AXL: variants seen among roughly 807,000 people sequenced by gnomAD.
AXL encodes the protein AXL receptor tyrosine kinase, also known as tyrosine-protein kinase receptor UFO.
A neutral mutation model predicts 104.5 loss-of-function variants in AXL; 52 were observed. The ratio of observed to expected loss-of-function variants is 0.50; its 90% CI spans 0.40 to 0.63. AXL has a LOEUF of 0.63. Among genes scored for constraint, AXL ranks in the 20% least tolerant of loss-of-function variants. The pLI is 0.00. For synonymous variants in AXL, 455 were observed against 473.7 expected (o/e 0.96, Z 0.51); for missense variants, 1,024 against 1,188.5 (o/e 0.86, Z 2.04).
In AXL at chr19:41,231,076, G is replaced by C. The variant is rs773248925; in HGVS notation, c.667+29G>C. The C allele has an allele frequency of 8.1e-6, 13 of 1,613,438 alleles. No homozygotes were observed. The South Asian group carries it at 1.4e-4, about 18-fold the overall frequency. On this transcript the variant is annotated intron_variant, in intron 5 of 19. Transcript: ENST00000301178. ...ACAGAGTTGGGAGGTGGGGAGCTGG[G>C]CGTCAGAGGGTGGGGTTTGGGTCCG...
rs75837457 is a variant in AXL at position 41,238,196 on chromosome 19, G to T, written c.994+42G>T. ...AGGGACACGTCACCACTGCCCCACC[G>T]GACCTTGCTTATATCAGTGCCACCC... On this transcript the variant is annotated intron_variant, in intron 7 of 19. Coordinates refer to ENST00000301178, the MANE Select transcript of AXL (RefSeq NM_021913.5). 7,564 of 1,600,634 alleles carry T rather than the reference G, an allele frequency of 4.7e-3. 329 individuals carry two copies. In the African/African-American group the frequency reaches 0.087, roughly 18 times the overall value.
intron 12 of AXL, among the ~76,000 whole-genome samples, chr19:41,246,205 T>C (rs2034267955): frequency 6.6e-6 from 1 of 152,120 alleles, no homozygotes; most frequent in Non-Finnish European, 1.5e-5. Context: ...CCCACCACTT[T>C]GGGAGGCCAA....
At position 41,260,298 on chromosome 19, in the gene AXL, C is replaced by CTTTTTTTTTTTTTTTTTTTT. The variant is rs869213717; in HGVS notation, c.*406_*425dup. Reference sequence around the variant, plus strand: ...TAAAGTGCTAAGGTTCTAAGGCCTACTTTTTTTTTTTTTTTTTTTTTTTTT... The same window carrying CTTTTTTTTTTTTTTTTTTTT: ...TAAAGTGCTAAGGTTCTAAGGCCTACTTTTTTTTTTTTTTTTTTTTTTTTTTTTTTTTTTTTTTTTTTTTT... On this transcript the variant is annotated 3_prime_UTR_variant, in exon 20 of 20. Transcript: ENST00000301178. The CTTTTTTTTTTTTTTTTTTTT allele has an allele frequency of 5.1e-4, 25 of 48,578 alleles. 7 individuals are homozygous for CTTTTTTTTTTTTTTTTTTTT. Among genetic ancestry groups the CTTTTTTTTTTTTTTTTTTTT allele is most frequent in the African/African-American group, 1.4e-3 (17 of 11,744 alleles). 3.0% of individuals were successfully genotyped at this position (48,578 alleles called of 1,614,324 possible). A position where few individuals can be genotyped will look rare whatever the true frequency, so the allele number is the denominator to read the frequency against.
At chr19:41,237,916 C>T in intron 6 of AXL, 28 bp from the exon 7 acceptor site, 3 of 1,601,948 alleles carry the variant, frequency 1.9e-6, no homozygotes, top group Non-Finnish European at 2.6e-6. Context: ...CTTGGCTGTC[C>T]CGTCCTCACA....
At chr19:41,231,673 T>C (rs2033991028) in intron 6 of AXL, among the ~76,000 whole-genome samples, 1 of 152,152 alleles carries the variant, frequency 6.6e-6, no homozygotes, top group Non-Finnish European at 1.5e-5. Flanking sequence ...ACACCTGTAA[T>C]CCCAGCACTT....
At chr19:41,244,874 A>G (rs2034245114) in intron 12 of AXL, among the ~76,000 whole-genome samples, 1 of 151,716 alleles carries the variant, frequency 6.6e-6, no homozygotes, top group South Asian at 2.1e-4. Context: ...AAGGCCACAC[A>G]GCTTGTAAAT....
intron 4 of AXL, among the ~76,000 whole-genome samples, chr19:41,227,512 G>T (rs1160687620): frequency 2.1e-5 from 3 of 145,560 alleles, no homozygotes; most frequent in Admixed American, 6.9e-5. Flanking sequence ...TTTAGACAGA[G>T]TCTCTCTCTG....
In AXL at chr19:41,257,638, C is replaced by G; in HGVS notation, c.2333+9C>G. On this transcript the variant is annotated intron_variant, in intron 19 of 19. Coordinates refer to ENST00000301178, the MANE Select transcript of AXL (RefSeq NM_021913.5). ...GACTGTCTGGATGGACTGTGAGGACCCTTAGGTCTCCCCCAACCCAGAATT... is the reference window on the plus strand; with the variant it reads ...GACTGTCTGGATGGACTGTGAGGACGCTTAGGTCTCCCCCAACCCAGAATT... The G allele has an allele frequency of 1.2e-6, 2 of 1,614,044 alleles. No homozygotes were observed.
chr19:41,236,797 AAAAAG>A (rs2034088314), intron 6 of AXL, among the ~76,000 whole-genome samples: 1 of 151,992 alleles, frequency 6.6e-6, no homozygotes, highest in Admixed American at 6.6e-5. Context: ...AAAAAAAAAA[AAAAAG>A]AAAAAGAAAT....
At chr19:41,226,057 GA>G (rs2122208357) in intron 4 of AXL, among the ~76,000 whole-genome samples, 1 of 152,370 alleles carries the variant, frequency 6.6e-6, no homozygotes, top group African/African-American at 2.4e-5. Flanking sequence ...GAACCTTCTG[GA>G]GGGGAAGGGG....
intron 3 of AXL, 30 bp downstream of exon 3, chr19:41,221,276 G>A (rs2033786525): frequency 6.3e-7 from 1 of 1,595,840 alleles, no homozygotes; most frequent in Non-Finnish European, 8.6e-7. Flanking sequence ...GTCCTGAGGG[G>A]TCAGAGGACA....
intron 15 of AXL, 28 bp from the exon 16 acceptor site, chr19:41,252,818 G>A: frequency 6.2e-7 from 1 of 1,612,994 alleles, no homozygotes; most frequent in Non-Finnish European, 8.5e-7. Flanking sequence ...TGCCCAGCAG[G>A]AGTGACAGGG....
chr19:41,220,549 G>A lies in AXL; in HGVS notation c.86-87G>A, dbSNP rs73931453. The A allele has an allele frequency of 4.1e-3, 4,975 of 1,211,802 alleles. 140 individuals are homozygous for A. The African/African-American group carries it at 0.063, about 15-fold the overall frequency. The allele number at this position is 1,211,802 out of a possible 1,614,324, so 75.1% of individuals were successfully genotyped here. ...CTAAGGGCCTGGCGGGGTCCTGGCC[G>A]CCGGTGGGCAGGCAAGGACAGGGTG... On this transcript the variant is annotated intron_variant, in intron 1 of 19. Transcript: ENST00000301178.
At position 41,221,874 on chromosome 19, in the gene AXL, C is replaced by T. The variant is rs373400620; in HGVS notation, c.410-6C>T. 14 of 1,613,090 alleles carry T rather than the reference C, an allele frequency of 8.7e-6. No individual in the cohort carries two copies. The highest frequency in any genetic ancestry group is 1.6e-4 in the Middle Eastern group (1 of 6,074). On this transcript the variant is annotated splice_region_variant and splice_polypyrimidine_tract_variant and intron_variant, in intron 3 of 19. Coordinates refer to ENST00000301178, the MANE Select transcript of AXL (RefSeq NM_021913.5). ...CCCCAGCCTCTACCACTGCCCACCCCGCTAGGCTTGCCTTACTTCCTGGAG... is the reference window on the plus strand; with the variant it reads ...CCCCAGCCTCTACCACTGCCCACCCTGCTAGGCTTGCCTTACTTCCTGGAG...
chr19:41,256,411 G>T (rs1223612418), intron 17 of AXL, 41 bp from the exon 18 acceptor site: 3 of 1,591,608 alleles, frequency 1.9e-6, no homozygotes, highest in South Asian at 1.1e-5. Context: ...TGGTGGAGGT[G>T]ACTGATGCCC....
chr19:41,236,265 G>C (rs535539606), intron 6 of AXL, among the ~76,000 whole-genome samples: 4 of 151,254 alleles, frequency 2.6e-5, no homozygotes, highest in African/African-American at 9.7e-5. Context: ...CCCAGGAGGC[G>C]GAGGTTGCAG....
chr19:41,242,315 C>A (rs1370248040), intron 10 of AXL, among the ~76,000 whole-genome samples: 1 of 83,884 alleles, frequency 1.2e-5, no homozygotes, highest in Non-Finnish European at 2.1e-5. Flanking sequence ...CTGGCACTCT[C>A]TTTTTTTTTT....
chr19:41,221,716 C>T (rs1401244998), intron 3 of AXL, 164 bp from the exon 4 acceptor site: 7 of 665,020 alleles, frequency 1.1e-5, no homozygotes, highest in African/African-American at 9.2e-5. Context: ...ATTGGGGTCA[C>T]GTGTGTGTTG....
chr19:41,231,037 C>T lies in AXL; in HGVS notation c.657C>T (p.Ala219=). 1 of 1,613,994 alleles carries T rather than the reference C, an allele frequency of 6.2e-7. No individual in the cohort carries two copies. Among genetic ancestry groups the T allele is most frequent in the Non-Finnish European group, 8.5e-7 (1 of 1,179,908 alleles). The change falls in exon 5 of 20, where the codon GCC becomes GCT. Residue 219 remains alanine, a synonymous_variant. Coordinates refer to ENST00000301178, the MANE Select transcript of AXL (RefSeq NM_021913.5). ...AGGGGGTCACCACATCCCGCACAGC[C>T]ACCATCACAGGTGACAGAGTTGGGA... ...NAKGVTTSRT[A]TITVLPQQPR... is the part of the protein sequence containing the mutation.
Sources: allele counts gnomAD v4.1 joint callset (sites outside exome capture counted in the v4.1 genomes callset), GRCh38; gene constraint gnomAD v4.1.1; transcripts MANE v1.5; gene names NCBI Gene and HGNC (gene_info 2026-07-23, HGNC 2026-07-21).